CASP9: variants seen among roughly 807,000 people sequenced by gnomAD.
CASP9 encodes the protein caspase 9.
A neutral mutation model predicts 43.5 loss-of-function variants in CASP9; 29 were observed. That is an observed-to-expected ratio of 0.67 (90% CI 0.50 to 0.91). The LOEUF is 0.91. Ranked by LOEUF, CASP9 falls within the 40% of genes least tolerant of loss-of-function variation. The probability of loss-of-function intolerance (pLI) is 0.00; values close to 1 mark genes in which losing one functional copy is unlikely to be tolerated. For missense variants in CASP9, 575 were observed against 537.4 expected (o/e 1.07, Z -0.69); for synonymous variants, 206 against 211.9 (o/e 0.97, Z 0.24).
At chr1:15,522,339 T>C (rs1311179858) in intron 1 of CASP9, among the ~76,000 whole-genome samples, 2 of 152,238 alleles carry the variant, frequency 1.3e-5, no homozygotes, top group African/African-American at 2.4e-5. Flanking sequence ...CCCACAAGGT[T>C]CTTAAAAAAT....
chr1:15,504,760 T>C lies in CASP9; in HGVS notation c.721-2A>G. ...CCCTGGGAACTGCAGGTGGCTGGCC[T>C]AGAAGACCAAGAACCCTGGTTACAA... On this transcript the variant is annotated splice_acceptor_variant, in intron 5 of 8. Transcript: ENST00000333868. LOFTEE classifies it high-confidence loss of function. The C allele has an allele frequency of 1.9e-6, 3 of 1,610,500 alleles. No individual in the cohort carries two copies. Among genetic ancestry groups the C allele is most frequent in the Non-Finnish European group, 8.5e-7 (1 of 1,178,674 alleles).
chr1:15,498,124 C>A (rs1224775541), intron 6 of CASP9, among the ~76,000 whole-genome samples: 2 of 152,128 alleles, frequency 1.3e-5, no homozygotes, highest in African/African-American at 4.8e-5. Flanking sequence ...CATTCTGTCA[C>A]CCAGGCTGGA....
intron 1 of CASP9, among the ~76,000 whole-genome samples, chr1:15,520,681 C>T (rs1054751409): frequency 1.3e-5 from 2 of 152,204 alleles, no homozygotes; most frequent in Non-Finnish European, 2.9e-5. Context: ...CTGCCAGGCG[C>T]GGTGGCTCAC....
At chr1:15,511,130 C>T (rs1362645450) in intron 2 of CASP9, among the ~76,000 whole-genome samples, 2 of 152,136 alleles carry the variant, frequency 1.3e-5, no homozygotes, top group East Asian at 1.9e-4. Context: ...CAGGTGTCTA[C>T]CTAGGTTTGG....
Position 15,518,135 on chromosome 1 carries a change from A to G in CASP9, c.393T>C (p.Ile131=). The G allele has an allele frequency of 6.2e-7, 1 of 1,614,140 alleles. No individual in the cohort carries two copies. Among genetic ancestry groups the G allele is most frequent in the Non-Finnish European group, 8.5e-7 (1 of 1,180,008 alleles). Residue 131 remains isoleucine, a synonymous_variant, in exon 2 of 9, where the codon ATT becomes ATC. Coordinates refer to ENST00000333868, the MANE Select transcript of CASP9 (RefSeq NM_001229.5). Reference sequence around the variant, plus strand: ...CGACATCACCAAATCCTCCAGAACCAATGTCCACTGGTCTGGGTGTTTCCG... The same window carrying G: ...CGACATCACCAAATCCTCCAGAACCGATGTCCACTGGTCTGGGTGTTTCCG... ...LRPETPRPVD[I]GSGGFGDVGA...
chr1:15,509,352 C>T (rs900364401), intron 2 of CASP9, among the ~76,000 whole-genome samples: 4 of 150,468 alleles, frequency 2.7e-5, no homozygotes, highest in South Asian at 2.1e-4. Flanking sequence ...AGGCCAGGTG[C>T]GGTGGCTCAC....
chr1:15,506,178 G>C, intron 4 of CASP9, 99 bp from the exon 5 acceptor site: 1 of 802,766 alleles, frequency 1.2e-6, no homozygotes, highest in Non-Finnish European at 2.2e-6. Context: ...GCCAGGCATG[G>C]TGGTTCACGC....
chr1:15,498,833 G>A (rs555471062), intron 6 of CASP9, among the ~76,000 whole-genome samples: 4 of 138,408 alleles, frequency 2.9e-5, no homozygotes, highest in South Asian at 4.4e-4. Context: ...TGCAAGCTTC[G>A]CCTCCTGGGT....
chr1:15,494,468 G>C (rs1709019168), intron 7 of CASP9, among the ~76,000 whole-genome samples: 1 of 151,830 alleles, frequency 6.6e-6, no homozygotes, highest in Non-Finnish European at 1.5e-5. Flanking sequence ...AGGAGGCTAA[G>C]GCAGGAGAAT....
intron 6 of CASP9, 143 bp from the exon 7 acceptor site, chr1:15,495,595 G>A (rs1217067476): frequency 1.4e-5 from 10 of 715,594 alleles, no homozygotes; most frequent in Admixed American, 4.2e-5. Flanking sequence ...TAAGCCAAAC[G>A]GAAAAGTCAA....
chr1:15,515,833 A>G (rs1413125072), intron 2 of CASP9, among the ~76,000 whole-genome samples: 1 of 152,140 alleles, frequency 6.6e-6, no homozygotes, highest in Non-Finnish European at 1.5e-5. Context: ...AGGTGGGCAG[A>G]CTACTGGAGC....
At chr1:15,523,934 T>C (rs1710321422) in intron 1 of CASP9, 135 bp downstream of exon 1, 5 of 618,628 alleles carry the variant, frequency 8.1e-6, no homozygotes, top group Non-Finnish European at 1.3e-5. Flanking sequence ...AACACCCGAC[T>C]AAGAGGTGTT....
chr1:15,514,870 G>A (rs1033359079), intron 2 of CASP9, among the ~76,000 whole-genome samples: 4 of 152,000 alleles, frequency 2.6e-5, no homozygotes, highest in Admixed American at 6.6e-5. Flanking sequence ...AGCCAGGCAT[G>A]GTGGTGCACC....
chr1:15,498,742 CTTTTTTT>C (rs1218849159), intron 6 of CASP9, among the ~76,000 whole-genome samples: 66 of 83,534 alleles, frequency 7.9e-4, no homozygotes, highest in Admixed American at 1.2e-3. Flanking sequence ...TGAAAGTGAT[CTTTTTTT>C]TTTTTTTTTT....
intron 1 of CASP9, among the ~76,000 whole-genome samples, chr1:15,518,874 G>T (rs912995141): frequency 1.1e-3 from 159 of 148,800 alleles, no homozygotes; most frequent in African/African-American, 3.2e-3. Flanking sequence ...TTTTGTTTTT[G>T]TTTTTTTTTT....
At position 15,492,185 on chromosome 1, in the gene CASP9, G is replaced by A. The variant is rs1708916701; in HGVS notation, c.*758C>T. 1 of 152,072 alleles carries A rather than the reference G, an allele frequency of 6.6e-6. No homozygotes were observed. Among genetic ancestry groups the A allele is most frequent in the Non-Finnish European group, 1.5e-5 (1 of 68,030 alleles). 9.4% of individuals were successfully genotyped at this position (152,072 alleles called of 1,614,324 possible). ...ACATAGCGAGACCCCAGAAAAACAT[G>A]GGGAAATGTTTCGAAAAAAGCAAAA... is the stretch of plus-strand genomic sequence containing the variant. On this transcript the variant is annotated 3_prime_UTR_variant, in exon 9 of 9. Coordinates refer to ENST00000333868, the MANE Select transcript of CASP9 (RefSeq NM_001229.5).
intron 6 of CASP9, among the ~76,000 whole-genome samples, chr1:15,502,271 A>T (rs1557539621): frequency 6.6e-6 from 1 of 152,116 alleles, no homozygotes. Flanking sequence ...TTTGGCCAAG[A>T]AAGGGGGTGT....
In CASP9 at chr1:15,492,401, T is replaced by C. The variant is rs1478864260; in HGVS notation, c.*542A>G. The C allele has an allele frequency of 2.0e-5, 3 of 152,530 alleles. No individual in the cohort carries two copies. Among genetic ancestry groups the C allele is most frequent in the Non-Finnish European group, 4.4e-5 (3 of 68,282 alleles). 9.4% of individuals were successfully genotyped at this position (152,530 alleles called of 1,614,324 possible). On this transcript the variant is annotated 3_prime_UTR_variant, in exon 9 of 9. Transcript: ENST00000333868. ...ACTCTAGTAGGCCCCGGTTTGCTGA[T>C]CTATGAGCGATACTGGTTTGTGTGT...
intron 1 of CASP9, among the ~76,000 whole-genome samples, chr1:15,523,051 G>A (rs539010474): frequency 8.8e-4 from 134 of 152,350 alleles, no homozygotes; most frequent in Admixed American, 4.4e-3. Flanking sequence ...GCACCTCATG[G>A]TAGGAAATAT....
Sources: allele counts gnomAD v4.1 joint callset (sites outside exome capture counted in the v4.1 genomes callset), GRCh38; gene constraint gnomAD v4.1.1; transcripts MANE v1.5; gene names NCBI Gene and HGNC (gene_info 2026-07-23, HGNC 2026-07-21).